The following GNAS variants were observed in gnomAD, a reference collection of about 807,000 sequenced individuals.
GNAS encodes protein ALEX.
Under a neutral mutation model 54.5 loss-of-function variants are expected in GNAS, and 8 were observed. That is an observed-to-expected ratio of 0.15 (90% CI 0.09 to 0.26). GNAS has a LOEUF of 0.26. GNAS is among the 10% of genes least tolerant of loss of function. The pLI is 1.00. For missense variants in GNAS, 170 were observed against 529.8 expected, an observed-to-expected ratio of 0.32 and a Z score of 6.67; for synonymous variants, 204 against 191.4, an observed-to-expected ratio of 1.07 and a Z score of -0.54.
chr20:58,895,486 C>CT (rs796663657), intron 1 of GNAS, 126 bp from the exon 2 acceptor site: 2 of 716,584 alleles, frequency 2.8e-6, no homozygotes, highest in African/African-American at 3.5e-5. Flanking sequence ...AGTTGCAAGT[C>CT]TGTGATTTTG....
chr20:58,899,889 A>G lies in GNAS; in HGVS notation c.257+904A>G, dbSNP rs181770142. On this transcript the variant is annotated intron_variant, in intron 3 of 12. Coordinates refer to ENST00000371085, the MANE Select transcript of GNAS (RefSeq NM_000516.7). ...TCTGTGGCCGGGGAGGGGAGGGGCA[A>G]AGATATTGGGGTCTGGGGACAAAGT... is the stretch of plus-strand genomic sequence containing the variant. 5.0e-4 allele frequency: 355 copies of G among 716,076 alleles called. 1 individual carries two copies. Among genetic ancestry groups the G allele is most frequent in the Non-Finnish European group, 7.6e-4 (291 of 384,406 alleles). 44.4% of individuals were successfully genotyped at this position (716,076 alleles called of 1,614,324 possible). A position where few individuals can be genotyped will look rare whatever the true frequency, so the allele number is the denominator to read the frequency against.
chr20:58,894,315 C>T (rs2089829577), intron 1 of GNAS, among the ~76,000 whole-genome samples: 2 of 152,302 alleles, frequency 1.3e-5, no homozygotes, highest in South Asian at 4.1e-4. Context: ...TCCTTGGCCT[C>T]TCTTAATAGT....
intron 1 of GNAS, 194 bp downstream of exon 1, chr20:58,892,059 A>C (rs2089447720): frequency 1.1e-6 from 1 of 941,290 alleles, no homozygotes; most frequent in Admixed American, 6.2e-5. Context: ...GGGGGCTCAA[A>C]AACGGGGCGG....
At chr20:58,903,394 A>G (rs766422321) in intron 3 of GNAS, 137 bp from the exon 4 acceptor site, 20 of 801,858 alleles carry the variant, frequency 2.5e-5, no homozygotes, top group Admixed American at 9.9e-5. Flanking sequence ...GCTACCTCCA[A>G]TCTTTGCACA....
intron 1 of GNAS, among the ~76,000 whole-genome samples, chr20:58,849,475 A>G (rs765115970): frequency 1.3e-5 from 2 of 152,202 alleles, no homozygotes; most frequent in African/African-American, 2.4e-5. Context: ...ACGATTGCCA[A>G]TTTGAATGTG....
intron 1 of GNAS, among the ~76,000 whole-genome samples, chr20:58,846,553 T>C (rs1183287182): frequency 6.6e-6 from 1 of 152,214 alleles, no homozygotes; most frequent in Non-Finnish European, 1.5e-5. Context: ...GCTGTCTAGC[T>C]CCAAGGCTAA....
intron 3 of GNAS, chr20:58,903,111 C>T (rs920647990): frequency 1.2e-5 from 4 of 345,030 alleles, no homozygotes; most frequent in African/African-American, 4.3e-5. Flanking sequence ...TGAGTTAATT[C>T]CAAGTCAAAC....
At position 58,853,643 on chromosome 20, in the gene GNAS, G is replaced by A; in HGVS notation, c.43+12757G>A. The A allele has an allele frequency of 6.2e-7, 1 of 1,613,522 alleles. No individual in the cohort carries two copies. The highest frequency in any genetic ancestry group is 1.1e-5 in the South Asian group (1 of 91,086). On this transcript the variant is annotated intron_variant, in intron 1 of 12. Transcript: ENST00000306090. The surrounding 1 kb of genome is among the most constrained non-coding windows in gnomAD (Gnocchi z 4.4). The stretch of plus-strand genomic sequence containing the variant: ...TGGAGCAGCCTGGATTCCCCAGTGG[G>A]GTCCATGCAGGCCTTGAGGCCTTCG...
At chr20:58,848,684 A>G (rs1330372907) in intron 1 of GNAS, among the ~76,000 whole-genome samples, 1 of 152,136 alleles carries the variant, frequency 6.6e-6, no homozygotes, top group Non-Finnish European at 1.5e-5. Context: ...TCACCAGACA[A>G]GCCAACCAAT....
chr20:58,889,219 T>TGGAA, upstream of GNAS: 1 of 1,020,014 alleles, frequency 9.8e-7, no homozygotes, highest in Non-Finnish European at 1.2e-6. Flanking sequence ...GTCAGGTGGC[T>TGGAA]GGCCGGCGCG....
chr20:58,861,352 G>A (rs1304834255), intron 1 of GNAS, among the ~76,000 whole-genome samples: 3 of 152,160 alleles, frequency 2.0e-5, no homozygotes, highest in Non-Finnish European at 4.4e-5. Context: ...AGTCAACGGA[G>A]GGAACTAAAA....
chr20:58,889,618 G>C (rs2088925041), upstream of GNAS: 1 of 152,286 alleles, frequency 6.6e-6, no homozygotes, highest in South Asian at 2.1e-4. Flanking sequence ...GGTGCTTTTT[G>C]GTTTCTCGCT....
rs370319235 is a variant in GNAS, at chr20:58,853,550, C to T, written c.43+12664C>T. On this transcript the variant is annotated intron_variant, in intron 1 of 12. Coordinates refer to the GNAS transcript ENST00000306090. This position sits in a 1 kb window ranked among gnomAD's most constrained non-coding sequence, Gnocchi z 4.4. ...AAGCTGGAGCCCATGGAAGCTACAG[C>T]CCACCTCCTGAGGAAGCAATGCCCT... The T allele has an allele frequency of 1.9e-5, 31 of 1,613,118 alleles. No homozygotes were observed. The highest frequency in any genetic ancestry group is 2.5e-5 in the Non-Finnish European group (29 of 1,179,844).
intron 1 of GNAS, among the ~76,000 whole-genome samples, chr20:58,892,982 AAAC>A (rs1233107054): frequency 6.6e-6 from 1 of 151,372 alleles, no homozygotes; most frequent in Non-Finnish European, 1.5e-5. Context: ...TGAAAAGAAA[AAAC>A]AAAGACATTC....
upstream of GNAS, among the ~76,000 whole-genome samples, chr20:58,890,263 CCGCGGCCGCCGCCGA>C (rs1278407061): frequency 6.7e-6 from 1 of 150,356 alleles, no homozygotes; most frequent in Non-Finnish European, 1.5e-5. Flanking sequence ...GCCGCCGCCG[CCGCGGCCGCCGCCGA>C]CGACGACGAG....
intron 1 of GNAS, among the ~76,000 whole-genome samples, chr20:58,879,628 CGGAA>C (rs1379611066): frequency 6.6e-6 from 1 of 152,122 alleles, no homozygotes. Flanking sequence ...CAGAGGGGTG[CGGAA>C]GGAAGGGTAC....
In GNAS at chr20:58,909,468, T is replaced by C. The variant is rs530360716; in HGVS notation, c.659+45T>C. 1.2e-6 allele frequency: 2 copies of C among 1,610,910 alleles called. No homozygotes were observed. Among genetic ancestry groups the C allele is most frequent in the East Asian group, 4.5e-5 (2 of 44,870 alleles). On this transcript the variant is annotated intron_variant, in intron 8 of 12. Coordinates refer to ENST00000371085, the MANE Select transcript of GNAS (RefSeq NM_000516.7). The surrounding 1 kb of genome is among the most constrained non-coding windows in gnomAD (Gnocchi z 7.3). ...TTTATATAACAGAGATCATGGTTTC[T>C]TGACATTCACCCCAGTCCCTCTGGA...
intron 2 of GNAS, among the ~76,000 whole-genome samples, chr20:58,897,027 A>C (rs1367213739): frequency 6.6e-6 from 1 of 152,226 alleles, no homozygotes; most frequent in African/African-American, 2.4e-5. Flanking sequence ...AATTGTTTAG[A>C]GAAGGATGAC....
At chr20:58,904,732 T>G (rs1041117441) in intron 5 of GNAS, among the ~76,000 whole-genome samples, 5 of 152,336 alleles carry the variant, frequency 3.3e-5, no homozygotes, top group African/African-American at 1.2e-4. Context: ...TTAGTATGGA[T>G]AGCTAAACTT....
Sources: allele counts gnomAD v4.1 joint callset (sites outside exome capture counted in the v4.1 genomes callset), GRCh38; gene constraint gnomAD v4.1.1; non-coding constraint Gnocchi (gnomAD v3.1); transcripts MANE v1.5; gene names NCBI Gene and HGNC (gene_info 2026-07-23, HGNC 2026-07-21).